Variants in KIFAP3 observed in about 807,000 individuals in gnomAD.
The protein encoded by KIFAP3 is kinesin associated protein 3.
Under a neutral mutation model 106.5 loss-of-function variants are expected in KIFAP3, and 68 were observed. The observed-to-expected ratio is 0.64, with a 90% CI of 0.53 to 0.78. KIFAP3 has a LOEUF of 0.78. KIFAP3 is among the 30% of genes least tolerant of loss of function. The pLI is 0.00. For synonymous variants in KIFAP3, 320 were observed against 311.5 expected (o/e 1.03, Z -0.29); for missense variants, 780 against 941.8 (o/e 0.83, Z 2.25).
chr1:170,014,028 G>C (rs1003319915), intron 10 of KIFAP3, among the ~76,000 whole-genome samples: 1 of 151,932 alleles, frequency 6.6e-6, no homozygotes, highest in Non-Finnish European at 1.5e-5. Context: ...TTTCACCTAC[G>C]ATATATCCCT....
chr1:170,049,714 C>T (rs997950791), intron 2 of KIFAP3, among the ~76,000 whole-genome samples: 3 of 152,100 alleles, frequency 2.0e-5, no homozygotes, highest in Admixed American at 1.3e-4. Flanking sequence ...AGTGGAATTG[C>T]AGCACACTGC....
intron 1 of KIFAP3, among the ~76,000 whole-genome samples, chr1:170,073,516 G>T (rs917182591): frequency 6.6e-6 from 1 of 152,168 alleles, no homozygotes; most frequent in Non-Finnish European, 1.5e-5. Flanking sequence ...TTACATTCAT[G>T]TTTCATTTTT....
In KIFAP3 at chr1:169,973,124, A is replaced by ATATATATATATAG. The variant is rs1361338751; in HGVS notation, c.1898-527_1898-526insCTATATATATATA. ...TAGTGTGTATATATATATATATATA[A>ATATATATATATAG]ACAACACAAATCAGGATTAGAAAAC... On this transcript the variant is annotated intron_variant, in intron 16 of 19. Coordinates refer to ENST00000361580, the MANE Select transcript of KIFAP3 (RefSeq NM_014970.4). 6.1e-3 allele frequency among the ~76,000 whole-genome samples: 296 copies of ATATATATATATAG among 48,702 alleles called. 12 individuals are homozygous for ATATATATATATAG. Among genetic ancestry groups the ATATATATATATAG allele is most frequent in the African/African-American group, 0.027 (276 of 10,398 alleles). The allele number at this position is 48,702 out of a possible 152,430, so 32.0% of individuals were successfully genotyped here.
In KIFAP3 at chr1:170,030,500, G is replaced by A. The variant is rs185326450; in HGVS notation, c.841+1386C>T. Among the ~76,000 whole-genome samples, 26 of 151,874 alleles carry A rather than the reference G, an allele frequency of 1.7e-4. No individual in the cohort carries two copies. The East Asian group carries it at 1.9e-3, about 11-fold the overall frequency. On this transcript the variant is annotated intron_variant, in intron 8 of 19. Transcript: ENST00000361580. ...GTATTTAACTAAGAGAAAAGAAAGCGTATGTCCATACAAAGACTTGTAGAA... is the reference window on the plus strand; with the variant it reads ...GTATTTAACTAAGAGAAAAGAAAGCATATGTCCATACAAAGACTTGTAGAA...
At chr1:169,934,939 C>T (rs1663704835) in intron 19 of KIFAP3, among the ~76,000 whole-genome samples, 1 of 151,832 alleles carries the variant, frequency 6.6e-6, no homozygotes, top group South Asian at 2.1e-4. Flanking sequence ...GTTTCTTTTT[C>T]CCCATAGTGT....
At chr1:169,986,606 T>C (rs978697106) in intron 11 of KIFAP3, among the ~76,000 whole-genome samples, 1 of 152,006 alleles carries the variant, frequency 6.6e-6, no homozygotes, top group Non-Finnish European at 1.5e-5. Context: ...ATCTGCCCAA[T>C]AAAAATTAAA....
chr1:170,044,248 T>C (rs922715873), intron 3 of KIFAP3, among the ~76,000 whole-genome samples: 3 of 152,196 alleles, frequency 2.0e-5, no homozygotes, highest in East Asian at 1.9e-4. Flanking sequence ...TAGGGGATGT[T>C]TCCTCTACCT....
intron 19 of KIFAP3, among the ~76,000 whole-genome samples, chr1:169,940,324 C>T (rs183924139): frequency 2.6e-5 from 4 of 152,244 alleles, no homozygotes; most frequent in East Asian, 1.9e-4. Flanking sequence ...CATAAACTGC[C>T]TGGAACTCAC....
chr1:170,039,372 T>C lies in KIFAP3; in HGVS notation c.320-84A>G, dbSNP rs140620490. The C allele has an allele frequency of 1.5e-4, 105 of 696,294 alleles. No homozygotes were observed. In the African/African-American group the frequency reaches 1.6e-3, roughly 10 times the overall value. The allele number at this position is 696,294 out of a possible 1,614,324, so 43.1% of individuals were successfully genotyped here. ...TTTATTTTCAGCAGCTGAGTTTAAC[T>C]CTAGGTAAACTGGGGATATTAAAAC... On this transcript the variant is annotated intron_variant, in intron 3 of 19. Coordinates refer to ENST00000361580, the MANE Select transcript of KIFAP3 (RefSeq NM_014970.4).
At chr1:170,061,250 T>C (rs999920122) in intron 1 of KIFAP3, among the ~76,000 whole-genome samples, 5 of 152,166 alleles carry the variant, frequency 3.3e-5, no homozygotes, top group African/African-American at 9.7e-5. Flanking sequence ...AGAAAATTTT[T>C]GCAATCTACC....
At chr1:169,996,417 G>C (rs1311984901) in intron 10 of KIFAP3, among the ~76,000 whole-genome samples, 1 of 152,176 alleles carries the variant, frequency 6.6e-6, no homozygotes, top group Admixed American at 6.5e-5. Flanking sequence ...AATTCTCTGA[G>C]AGAAGGTTAA....
chr1:169,978,233 A>C (rs183899106), intron 15 of KIFAP3, 50 bp from the exon 16 acceptor site: 1 of 1,145,108 alleles, frequency 8.7e-7, no homozygotes, highest in Non-Finnish European at 1.3e-6. Flanking sequence ...TTATATACCA[A>C]ATTTAAAATA....
At chr1:170,050,991 A>AT (rs1670547441) in intron 2 of KIFAP3, among the ~76,000 whole-genome samples, 1 of 152,196 alleles carries the variant, frequency 6.6e-6, no homozygotes, top group Admixed American at 6.5e-5. Context: ...ACATATAACA[A>AT]TATTAACCTT....
At chr1:170,058,686 C>T (rs555918545) in intron 1 of KIFAP3, among the ~76,000 whole-genome samples, 27 of 152,158 alleles carry the variant, frequency 1.8e-4, no homozygotes, top group Admixed American at 1.6e-3. Context: ...ACCTCCATAA[C>T]ATTTTTTTTT....
chr1:169,952,909 C>T (rs1664802838), intron 19 of KIFAP3, among the ~76,000 whole-genome samples: 1 of 151,924 alleles, frequency 6.6e-6, no homozygotes, highest in African/African-American at 2.4e-5. Flanking sequence ...GCACATTGGT[C>T]ACAACTGTAT....
At chr1:169,935,129 T>C (rs1205956455) in intron 19 of KIFAP3, among the ~76,000 whole-genome samples, 2 of 152,258 alleles carry the variant, frequency 1.3e-5, no homozygotes, top group African/African-American at 2.4e-5. Context: ...TTTATAAAAA[T>C]ATTTTTTGAC....
At chr1:170,064,429 AC>A (rs1671332121) in intron 1 of KIFAP3, among the ~76,000 whole-genome samples, 2 of 152,192 alleles carry the variant, frequency 1.3e-5, no homozygotes, top group African/African-American at 4.8e-5. Flanking sequence ...ATCACAGCTC[AC>A]TGCAGCCTTG....
chr1:169,977,977 A>G (rs1286521614), intron 16 of KIFAP3, 108 bp downstream of exon 16: 1 of 725,936 alleles, frequency 1.4e-6, no homozygotes, highest in African/African-American at 1.9e-5. Context: ...CTCAAAACTT[A>G]GTGTTTTCTA....
intron 7 of KIFAP3, chr1:170,032,252 C>T (rs1669451849): frequency 3.8e-6 from 1 of 262,584 alleles, no homozygotes. Flanking sequence ...TTGAACCTCA[C>T]CAAATACTTG....
Sources: gnomAD v4.1 joint callset for allele counts (sites outside exome capture counted in the v4.1 genomes callset) on GRCh38, gnomAD v4.1.1 for gene constraint, MANE v1.5 for transcripts, NCBI Gene and HGNC (gene_info 2026-07-23, HGNC 2026-07-21) for gene names.